CERS6: variants seen among roughly 807,000 people sequenced by gnomAD.
The protein encoded by CERS6 is ceramide synthase 6.
A neutral mutation model predicts 56.8 loss-of-function variants in CERS6; 26 were observed. The observed-to-expected ratio is 0.46, with a 90% CI of 0.34 to 0.63. The LOEUF is 0.63. CERS6 is among the 30% of genes least tolerant of loss of function. The pLI is 0.01. For synonymous variants in CERS6, 164 were observed against 173.3 expected (o/e 0.95, Z 0.42); for missense variants, 415 against 467.5 (o/e 0.89, Z 1.04).
chr2:168,540,103 A>G (rs113140177), intron 1 of CERS6, among the ~76,000 whole-genome samples: 1,520 of 151,752 alleles, frequency 0.01, 20 homozygotes, highest in Non-Finnish European at 0.014. Flanking sequence ...TTTCCTTTTC[A>G]CTTTCATTCT....
In CERS6 at chr2:168,559,492, A is replaced by G. The variant is rs186069949; in HGVS notation, c.277-1700A>G. 7.2e-5 allele frequency among the ~76,000 whole-genome samples: 11 copies of G among 152,024 alleles called. No homozygotes were observed. In the East Asian group the frequency reaches 2.1e-3, roughly 29 times the overall value. On this transcript the variant is annotated intron_variant, in intron 2 of 9. Coordinates refer to ENST00000305747, the MANE Select transcript of CERS6 (RefSeq NM_203463.3). ...TGGCCATCTTCTCTTGTAACCTCAC[A>G]TGGAACAGACTGAGAGAGACAGAGA...
intron 8 of CERS6, 150 bp from the exon 9 acceptor site, chr2:168,765,442 T>A: frequency 1.6e-6 from 1 of 631,998 alleles, no homozygotes; most frequent in Non-Finnish European, 2.5e-6. Flanking sequence ...AAATGACATT[T>A]CTAAGTACCT....
chr2:168,512,636 A>G (rs1436666027), intron 1 of CERS6, among the ~76,000 whole-genome samples: 4 of 150,998 alleles, frequency 2.6e-5, no homozygotes, highest in South Asian at 2.1e-4. Context: ...GAGAGTACCA[A>G]TTAATGATTT....
intron 3 of CERS6, among the ~76,000 whole-genome samples, chr2:168,592,893 C>T (rs536101737): frequency 2.0e-5 from 3 of 152,292 alleles, no homozygotes; most frequent in Non-Finnish European, 2.9e-5. Context: ...AATATATTCT[C>T]TTACCATTCT....
intron 2 of CERS6, among the ~76,000 whole-genome samples, chr2:168,557,571 A>G (rs1456240097): frequency 2.6e-5 from 4 of 152,232 alleles, no homozygotes; most frequent in Non-Finnish European, 4.4e-5. Context: ...ATGGTATATG[A>G]GTAGCCATCT....
intron 3 of CERS6, among the ~76,000 whole-genome samples, chr2:168,605,949 T>C (rs1684042440): frequency 6.6e-6 from 1 of 152,190 alleles, no homozygotes; most frequent in South Asian, 2.1e-4. Context: ...AATGTGGGGT[T>C]AGAGCCCCCA....
intron 6 of CERS6, among the ~76,000 whole-genome samples, chr2:168,699,068 C>CTT (rs1301020822): frequency 1.3e-5 from 2 of 152,186 alleles, no homozygotes; most frequent in Non-Finnish European, 2.9e-5. Flanking sequence ...CTGCTGCCAT[C>CTT]TCTCATTAGG....
intron 1 of CERS6, among the ~76,000 whole-genome samples, chr2:168,520,440 C>T (rs1383334194): frequency 6.6e-6 from 1 of 151,820 alleles, no homozygotes; most frequent in African/African-American, 2.4e-5. Flanking sequence ...TTAATTAGAT[C>T]CCACTTGTCA....
At chr2:168,466,793 G>A (rs893209761) in intron 1 of CERS6, among the ~76,000 whole-genome samples, 6 of 152,038 alleles carry the variant, frequency 3.9e-5, no homozygotes, top group Non-Finnish European at 7.4e-5. Context: ...CTTAGAATTC[G>A]GTTGTGGGGC....
intron 3 of CERS6, among the ~76,000 whole-genome samples, chr2:168,565,722 A>G (rs1162868893): frequency 6.6e-6 from 1 of 152,232 alleles, no homozygotes; most frequent in Non-Finnish European, 1.5e-5. Context: ...ATGCTAATAC[A>G]TTGACATGAT....
At chr2:168,743,260 G>C (rs1051715932) in intron 8 of CERS6, among the ~76,000 whole-genome samples, 1 of 150,762 alleles carries the variant, frequency 6.6e-6, no homozygotes, top group Admixed American at 6.6e-5. Context: ...ATATATACAC[G>C]TATGTATGTA....
At chr2:168,748,087 G>C (rs1248783278) in intron 8 of CERS6, among the ~76,000 whole-genome samples, 1 of 152,172 alleles carries the variant, frequency 6.6e-6, no homozygotes, top group Non-Finnish European at 1.5e-5. Flanking sequence ...GTGAGTGAAA[G>C]CTGCATCAGA....
chr2:168,526,666 C>G (rs1316520123), intron 1 of CERS6, among the ~76,000 whole-genome samples: 1 of 152,226 alleles, frequency 6.6e-6, no homozygotes, highest in Non-Finnish European at 1.5e-5. Flanking sequence ...CCTATGACAG[C>G]TTGCCTTTAA....
chr2:168,548,363 C>T (rs944652914), intron 2 of CERS6, among the ~76,000 whole-genome samples: 45 of 152,056 alleles, frequency 3.0e-4, no homozygotes, highest in African/African-American at 9.4e-4. Flanking sequence ...CTGCCTCTGC[C>T]CCCATCCCAA....
intron 1 of CERS6, among the ~76,000 whole-genome samples, chr2:168,523,427 G>T (rs117221210): frequency 6.6e-6 from 1 of 152,258 alleles, no homozygotes; most frequent in East Asian, 1.9e-4. Context: ...ATGATTGTCT[G>T]AGATGAATCA....
At chr2:168,734,983 TAGA>T (rs1418063084) in intron 8 of CERS6, among the ~76,000 whole-genome samples, 1 of 152,186 alleles carries the variant, frequency 6.6e-6, no homozygotes, top group Non-Finnish European at 1.5e-5. Flanking sequence ...AAGCATAAGG[TAGA>T]ACAATCTTTA....
At chr2:168,698,772 G>A (rs1686731993) in intron 6 of CERS6, among the ~76,000 whole-genome samples, 1 of 152,156 alleles carries the variant, frequency 6.6e-6, no homozygotes, top group East Asian at 1.9e-4. Flanking sequence ...TATAACATCA[G>A]TGGAAAACAC....
chr2:168,503,880 A>G (rs1202849013), intron 1 of CERS6, among the ~76,000 whole-genome samples: 1 of 152,206 alleles, frequency 6.6e-6, no homozygotes, highest in African/African-American at 2.4e-5. Flanking sequence ...TGGGGACCCA[A>G]GTTCTGCAGT....
At chr2:168,760,904 C>T (rs943307734) in intron 8 of CERS6, among the ~76,000 whole-genome samples, 1 of 152,094 alleles carries the variant, frequency 6.6e-6, no homozygotes, top group East Asian at 1.9e-4. Flanking sequence ...TACAGGCGCC[C>T]GCCACCACGC....
Sources: allele counts gnomAD v4.1 joint callset (sites outside exome capture counted in the v4.1 genomes callset), GRCh38; gene constraint gnomAD v4.1.1; transcripts MANE v1.5; gene names NCBI Gene and HGNC (gene_info 2026-07-23, HGNC 2026-07-21).